The following TANC1 variants were observed in gnomAD, a reference collection of about 807,000 sequenced individuals.
TANC1 encodes the protein tetratricopeptide repeat, ankyrin repeat and coiled-coil containing 1, also known as protein TANC1.
A neutral mutation model predicts 149.7 loss-of-function variants in TANC1; 77 were observed. The ratio of observed to expected loss-of-function variants is 0.51; its 90% confidence interval spans 0.43 to 0.62. TANC1 has a LOEUF of 0.62. Ranked by LOEUF, TANC1 falls within the 20% of genes least tolerant of loss-of-function variation. TANC1 has a pLI of 0.00. For synonymous variants in TANC1, 854 were observed against 925.0 expected (o/e 0.92, Z 1.39); for missense variants, 1,985 against 2,321.8 (o/e 0.85, Z 2.98).
Position 159,229,590 on chromosome 2 carries a change from A to G in TANC1, c.4164A>G (p.Ala1388=), listed in dbSNP as rs201014767. The G allele has an allele frequency of 6.2e-7, 1 of 1,612,182 alleles. No individual in the cohort carries two copies. The highest frequency in any genetic ancestry group is 2.2e-5 in the East Asian group (1 of 44,866). The change falls in exon 27 of 27, where the codon GCA becomes GCG. Residue 1388 remains alanine (A), a synonymous_variant. Transcript: ENST00000263635. ...TTTTCCTACAAAGGCAATTCGTGGC[A>G]GCTCTGGCTGACCTGCAAGAGGCTG... ...RAKRNSRQFV[A]ALADLQEAVK... is the part of the protein sequence containing the mutation.
chr2:159,067,105 A>G (rs2042738651), intron 3 of TANC1, among the ~76,000 whole-genome samples: 1 of 152,230 alleles, frequency 6.6e-6, no homozygotes, highest in Non-Finnish European at 1.5e-5. Flanking sequence ...TTATTACTAA[A>G]GCATCATAAA....
At chr2:159,142,287 C>G (rs2051461347) in intron 5 of TANC1, among the ~76,000 whole-genome samples, 1 of 152,140 alleles carries the variant, frequency 6.6e-6, no homozygotes, top group South Asian at 2.1e-4. Flanking sequence ...AGTACAAAAC[C>G]CTTTTGTAAT....
intron 5 of TANC1, among the ~76,000 whole-genome samples, chr2:159,141,843 C>T (rs144808292): frequency 2.9e-3 from 438 of 152,266 alleles, no homozygotes; most frequent in Non-Finnish European, 5.1e-3. Flanking sequence ...CACAAGACCA[C>T]AGTATTCTGG....
chr2:159,191,500 G>A (rs150062906), intron 16 of TANC1, among the ~76,000 whole-genome samples: 4 of 152,208 alleles, frequency 2.6e-5, no homozygotes, highest in Non-Finnish European at 5.9e-5. Flanking sequence ...CCATGAGGCC[G>A]GCCCTGCTTG....
chr2:159,219,694 G>A lies in TANC1; in HGVS notation c.3505G>A (p.Ala1169Thr), dbSNP rs775621904. 2.4e-5 allele frequency: 38 copies of A among 1,613,998 alleles called. No individual in the cohort carries two copies. Among genetic ancestry groups the A allele is most frequent in the Non-Finnish European group, 3.1e-5 (37 of 1,179,972 alleles). ...STVEFLLSKG[A>T]ALSSLDKEGL... ...CTGTGAATGGGCTTTCCTTTCAGGT[G>A]CAGCCCTTTCTTCTCTAGACAAAGA... Residue 1169 changes from alanine (A) to threonine (T), a missense_variant and splice_region_variant, in exon 22 of 27, where the codon GCA (alanine) becomes ACA (threonine). Physicochemically the swap from Ala to Thr is moderately conservative, Grantham distance 58. Around this residue, in one of 3 missense-constraint regions of TANC1, gnomAD observed 920 missense variants for 994.7 expected, o/e 0.92. Transcript: ENST00000263635.
intron 1 of TANC1, among the ~76,000 whole-genome samples, chr2:159,000,850 A>C (rs2036561686): frequency 6.6e-6 from 1 of 152,174 alleles, no homozygotes; most frequent in Non-Finnish European, 1.5e-5. Flanking sequence ...GCTTAAGTGC[A>C]GGCGTAATGA....
intron 3 of TANC1, among the ~76,000 whole-genome samples, chr2:159,067,791 C>T (rs1014144958): frequency 6.6e-6 from 1 of 152,162 alleles, no homozygotes. Context: ...CAAAACAGGC[C>T]TACCATCCTC....
chr2:159,169,924 C>A (rs2055013807), intron 9 of TANC1, among the ~76,000 whole-genome samples: 1 of 150,568 alleles, frequency 6.6e-6, no homozygotes, highest in Non-Finnish European at 1.5e-5. Flanking sequence ...ACCCAAGAGG[C>A]GGAGGTTGCA....
intron 2 of TANC1, among the ~76,000 whole-genome samples, chr2:159,042,455 T>A (rs2040719621): frequency 6.6e-6 from 1 of 152,078 alleles, no homozygotes; most frequent in African/African-American, 2.4e-5. Flanking sequence ...TCACAGGAGC[T>A]CCTTGTTGGA....
intron 4 of TANC1, among the ~76,000 whole-genome samples, chr2:159,133,836 C>A: frequency 6.6e-6 from 1 of 152,092 alleles, no homozygotes; most frequent in Non-Finnish European, 1.5e-5. Flanking sequence ...AACGATGGTT[C>A]CTGAAGTTTG....
At chr2:159,011,687 C>A (rs1394909828) in intron 2 of TANC1, among the ~76,000 whole-genome samples, 2 of 152,096 alleles carry the variant, frequency 1.3e-5, no homozygotes, top group Non-Finnish European at 2.9e-5. Context: ...AGGTGCACAC[C>A]ACCATGCCTG....
chr2:159,001,215 A>G lies in TANC1; in HGVS notation c.-16+26A>G, dbSNP rs2036591826. ...GTAGGTGATGGCTGAGGATTGGGGTAGAGTGTGGTATGACTGTGAGTAGTG... is the reference window on the plus strand; with the variant it reads ...GTAGGTGATGGCTGAGGATTGGGGTGGAGTGTGGTATGACTGTGAGTAGTG... On this transcript the variant is annotated intron_variant, in intron 2 of 26. Coordinates refer to ENST00000263635, the MANE Select transcript of TANC1 (RefSeq NM_033394.3). This position sits in a 1 kb window ranked among gnomAD's most constrained non-coding sequence, Gnocchi z 4.3. The G allele has an allele frequency of 6.6e-6, 1 of 152,344 alleles. No individual in the cohort carries two copies. The highest frequency in any genetic ancestry group is 6.5e-5 in the Admixed American group (1 of 15,270). 9.4% of individuals were successfully genotyped at this position (152,344 alleles called of 1,614,324 possible). A position where few individuals can be genotyped will look rare whatever the true frequency, so the allele number is the denominator to read the frequency against.
At chr2:159,050,251 T>C (rs2041369681) in intron 2 of TANC1, among the ~76,000 whole-genome samples, 2 of 152,180 alleles carry the variant, frequency 1.3e-5, no homozygotes, top group Admixed American at 1.3e-4. Context: ...ACTACAGGCA[T>C]GTGCCACCAC....
intron 3 of TANC1, 116 bp from the exon 4 acceptor site, chr2:159,097,521 A>G (rs1247074871): frequency 1.1e-5 from 9 of 817,858 alleles, no homozygotes; most frequent in Admixed American, 2.5e-5. Flanking sequence ...AAAAAATTCA[A>G]TACACACATC....
At chr2:159,204,933 C>T (rs1007240114) in intron 19 of TANC1, among the ~76,000 whole-genome samples, 1 of 152,224 alleles carries the variant, frequency 6.6e-6, no homozygotes, top group Non-Finnish European at 1.5e-5. Context: ...AGCAATTCCA[C>T]TTGGCATGTG....
chr2:159,164,270 C>G (rs1018569118), intron 8 of TANC1, among the ~76,000 whole-genome samples: 2 of 151,690 alleles, frequency 1.3e-5, no homozygotes, highest in Non-Finnish European at 2.9e-5. Context: ...GGAAAAAAAT[C>G]GATAAAAAAT....
chr2:159,116,152 C>T (rs984566749), intron 4 of TANC1, among the ~76,000 whole-genome samples: 20 of 152,176 alleles, frequency 1.3e-4, no homozygotes, highest in African/African-American at 4.8e-4. Flanking sequence ...AGTGGCTGGG[C>T]GCGGTGGCTC....
chr2:159,106,804 A>G (rs1028605704), intron 4 of TANC1, among the ~76,000 whole-genome samples: 4 of 152,158 alleles, frequency 2.6e-5, no homozygotes, highest in Admixed American at 6.5e-5. Flanking sequence ...GAGGTTTCCA[A>G]TTGCTTCATA....
At chr2:159,156,418 G>A (rs1013187820) in intron 7 of TANC1, among the ~76,000 whole-genome samples, 2 of 152,230 alleles carry the variant, frequency 1.3e-5, no homozygotes, top group Admixed American at 6.5e-5. Context: ...TCAGACTGTA[G>A]TTGGATTCTT....
Sources: allele counts gnomAD v4.1 joint callset (sites outside exome capture counted in the v4.1 genomes callset), GRCh38; gene constraint gnomAD v4.1.1; regional missense constraint gnomAD v4.1.1; non-coding constraint Gnocchi (gnomAD v3.1); transcripts MANE v1.5; gene names NCBI Gene and HGNC (gene_info 2026-07-23, HGNC 2026-07-21).